Variants in CBFB observed in about 807,000 individuals in gnomAD.
CBFB encodes CBF-beta.
Under a neutral mutation model 30.4 loss-of-function variants are expected in CBFB, and 9 were observed. That is an observed-to-expected ratio of 0.30 (90% CI 0.18 to 0.52). The LOEUF (loss-of-function observed/expected upper bound fraction) is 0.52. Among genes scored for constraint, CBFB ranks in the 20% least tolerant of loss-of-function variants. The probability of loss-of-function intolerance (pLI) is 0.97; values close to 1 mark genes in which losing one functional copy is unlikely to be tolerated. For synonymous variants in CBFB, 94 were observed against 84.0 expected, an observed-to-expected ratio of 1.12 and a Z score of -0.65; for missense variants, 170 against 244.0, an observed-to-expected ratio of 0.70 and a Z score of 2.02.
chr16:67,033,188 A>G (rs1966382374), intron 2 of CBFB, among the ~76,000 whole-genome samples: 1 of 152,088 alleles, frequency 6.6e-6, no homozygotes, highest in Non-Finnish European at 1.5e-5. Context: ...TTTTGCATTT[A>G]GATGTGAAAT....
At chr16:67,036,862 T>C in intron 3 of CBFB, 107 bp downstream of exon 3, 1 of 705,800 alleles carries the variant, frequency 1.4e-6, no homozygotes, top group Non-Finnish European at 2.5e-6. Context: ...TACCAGCATA[T>C]GCTCAGATTT....
intron 1 of CBFB, 44 bp downstream of exon 1, chr16:67,029,529 G>T (rs372228048): frequency 1.3e-6 from 2 of 1,543,510 alleles, no homozygotes; most frequent in Non-Finnish European, 1.8e-6. Context: ...AGCGCGCCCC[G>T]AGTGGGCCCG....
Position 67,099,001 on chromosome 16 carries a change from G to T in CBFB, c.*223G>T. 1 of 413,302 alleles carries T rather than the reference G, an allele frequency of 2.4e-6. No individual in the cohort carries two copies. The highest frequency in any genetic ancestry group is 4.3e-6 in the Non-Finnish European group (1 of 234,180). The allele number at this position is 413,302 out of a possible 1,614,324, so 25.6% of individuals were successfully genotyped here. ...AGCATGTAGCCAGTAATAATTTGAA[G>T]TTTTTTTTCTATGCAAGCTTACCTT... On this transcript the variant is annotated 3_prime_UTR_variant, in exon 6 of 6. Coordinates refer to ENST00000412916, the MANE Select transcript of CBFB (RefSeq NM_022845.3).
At chr16:67,066,525 A>C (rs1048316915) in intron 3 of CBFB, among the ~76,000 whole-genome samples, 157 bp from the exon 4 acceptor site, 1 of 152,134 alleles carries the variant, frequency 6.6e-6, no homozygotes, top group African/African-American at 2.4e-5. Context: ...GTGCCACTGC[A>C]TTCCAGCCTG....
At chr16:67,061,409 T>C (rs1332162330) in intron 3 of CBFB, among the ~76,000 whole-genome samples, 2 of 152,228 alleles carry the variant, frequency 1.3e-5, no homozygotes, top group Non-Finnish European at 2.9e-5. Context: ...CTAATAACTT[T>C]TCTTTTTAAA....
chr16:67,071,250 A>G (rs542283970), intron 4 of CBFB, among the ~76,000 whole-genome samples: 1 of 152,316 alleles, frequency 6.6e-6, no homozygotes, highest in East Asian at 1.9e-4. Flanking sequence ...AGCTCTCATG[A>G]ACTGAATGTT....
At chr16:67,095,690 GTTTT>G (rs869266505) in intron 5 of CBFB, among the ~76,000 whole-genome samples, 10 of 124,130 alleles carry the variant, frequency 8.1e-5, no homozygotes, top group Non-Finnish European at 1.5e-4. Flanking sequence ...GACCTCATCT[GTTTT>G]TTTTTTTTTT....
chr16:67,037,240 A>G (rs1966456938), intron 3 of CBFB, among the ~76,000 whole-genome samples: 1 of 152,224 alleles, frequency 6.6e-6, no homozygotes, highest in South Asian at 2.1e-4. Flanking sequence ...GTATCACTCC[A>G]TTCCTAATTT....
intron 4 of CBFB, 41 bp from the exon 5 acceptor site, chr16:67,082,172 A>G (rs79523682): frequency 7.5e-7 from 1 of 1,335,278 alleles, no homozygotes; most frequent in South Asian, 1.5e-5. Context: ...TATTTTTTTT[A>G]TAAATCAAAA....
chr16:67,052,604 A>G (rs894697949), intron 3 of CBFB, among the ~76,000 whole-genome samples: 1 of 151,866 alleles, frequency 6.6e-6, no homozygotes, highest in African/African-American at 2.4e-5. Context: ...CTGCTAGACA[A>G]TTTACAGTTA....
intron 4 of CBFB, among the ~76,000 whole-genome samples, chr16:67,077,071 C>T (rs1961421643): frequency 6.6e-6 from 1 of 152,056 alleles, no homozygotes; most frequent in Admixed American, 6.6e-5. Flanking sequence ...CTACTAGTTC[C>T]TAGTAGATTT....
chr16:67,032,226 A>G (rs1966363858), intron 2 of CBFB, among the ~76,000 whole-genome samples: 2 of 152,110 alleles, frequency 1.3e-5, no homozygotes, highest in Non-Finnish European at 2.9e-5. Context: ...CCGCTTCCAA[A>G]TAATCTGATC....
chr16:67,029,373 AGCGCGGCCGGCCG>A lies in CBFB; in HGVS notation c.-26_-14del, dbSNP rs751599981. ...CCAGCGGGTGCCCGCGCAAGCCCCG[AGCGCGGCCGGCCG>A]GCGCGGCCTCAGGGCGGGAAGATGC... On this transcript the variant is annotated 5_prime_UTR_variant, in exon 1 of 6. Coordinates refer to ENST00000412916, the MANE Select transcript of CBFB (RefSeq NM_022845.3). The A allele has an allele frequency of 4.1e-6, 6 of 1,463,444 alleles. No homozygotes were observed. In the South Asian group the frequency reaches 5.2e-5, roughly 13 times the overall value. The allele number at this position is 1,463,444 out of a possible 1,614,324, so 90.7% of individuals were successfully genotyped here. A position where few individuals can be genotyped will look rare whatever the true frequency, so the allele number is the denominator to read the frequency against.
intron 3 of CBFB, among the ~76,000 whole-genome samples, chr16:67,050,241 A>G (rs1279774229): frequency 6.8e-6 from 1 of 147,750 alleles, no homozygotes; most frequent in African/African-American, 2.5e-5. Flanking sequence ...TATATGTAAT[A>G]TATATCACAT....
intron 4 of CBFB, 61 bp downstream of exon 4, chr16:67,066,859 T>C (rs1961074865): frequency 1.1e-6 from 1 of 946,168 alleles, no homozygotes; most frequent in East Asian, 2.5e-5. Context: ...TGCCTTTGCC[T>C]GGGGACCTAT....
At chr16:67,097,409 G>A (rs962217559) in intron 5 of CBFB, among the ~76,000 whole-genome samples, 27 of 152,120 alleles carry the variant, frequency 1.8e-4, no homozygotes, top group African/African-American at 6.3e-4. Flanking sequence ...GCCGGGCGTG[G>A]TGGCACATGC....
chr16:67,029,567 C>CCCCGGGAGT, intron 1 of CBFB, 82 bp downstream of exon 1: 1 of 1,407,464 alleles, frequency 7.1e-7, no homozygotes, highest in Non-Finnish European at 9.6e-7. Context: ...GCGGCACGGT[C>CCCCGGGAGT]CCCGGGAGTC....
chr16:67,075,577 T>TAC (rs977811165), intron 4 of CBFB, among the ~76,000 whole-genome samples: 2 of 152,072 alleles, frequency 1.3e-5, no homozygotes, highest in African/African-American at 4.8e-5. Flanking sequence ...TATATATATA[T>TAC]ACACACACTA....
At chr16:67,082,732 TGTCA>T (rs1961602388) in intron 5 of CBFB, among the ~76,000 whole-genome samples, 1 of 152,156 alleles carries the variant, frequency 6.6e-6, no homozygotes, top group Non-Finnish European at 1.5e-5. Context: ...TAACTATAAT[TGTCA>T]GTCATTTGTG....
Sources: gnomAD v4.1 joint callset for allele counts (sites outside exome capture counted in the v4.1 genomes callset) on GRCh38, gnomAD v4.1.1 for gene constraint, MANE v1.5 for transcripts, NCBI Gene and HGNC (gene_info 2026-07-23, HGNC 2026-07-21) for gene names.